The following PRRC2C variants were observed in gnomAD, a reference collection of about 807,000 sequenced individuals.
The protein encoded by PRRC2C is proline rich coiled-coil 2C, also known as protein PRRC2C.
A neutral mutation model predicts 317.2 loss-of-function variants in PRRC2C; 72 were observed. The ratio of observed to expected loss-of-function variants is 0.23; its 90% CI spans 0.19 to 0.28. PRRC2C has a LOEUF of 0.28. Among genes scored for constraint, PRRC2C ranks in the 10% least tolerant of loss-of-function variants. PRRC2C has a pLI of 1.00. For missense variants in PRRC2C, 3,074 were observed against 3,459.7 expected (o/e 0.89, Z 2.80); for synonymous variants, 1,296 against 1,205.9 (o/e 1.07, Z -1.55).
chr1:171,489,655 A>G (rs888203915), intron 1 of PRRC2C, among the ~76,000 whole-genome samples: 2 of 152,216 alleles, frequency 1.3e-5, no homozygotes, highest in African/African-American at 2.4e-5. Context: ...TGAATGATCT[A>G]TTTAAATCCA....
At chr1:171,550,442 A>G (rs537629807) in intron 18 of PRRC2C, among the ~76,000 whole-genome samples, 5 of 149,452 alleles carry the variant, frequency 3.3e-5, no homozygotes, top group African/African-American at 9.9e-5. Context: ...AGCTCCTTAT[A>G]TTTTGACTTA....
intron 18 of PRRC2C, among the ~76,000 whole-genome samples, chr1:171,554,013 G>C (rs1225674027): frequency 6.6e-6 from 1 of 152,144 alleles, no homozygotes; most frequent in Non-Finnish European, 1.5e-5. Context: ...TTCAAGTCCT[G>C]GATATCCTTG....
intron 1 of PRRC2C, among the ~76,000 whole-genome samples, chr1:171,498,294 G>A (rs1668479272): frequency 6.6e-6 from 1 of 152,098 alleles, no homozygotes; most frequent in African/African-American, 2.4e-5. Context: ...ATTAATTTCT[G>A]TTGGTACTGA....
rs1477201416 is a variant in PRRC2C, at chr1:171,513,117, G to A, written c.235G>A (p.Val79Ile). The change falls in exon 3 of 35, where the codon GTA becomes ATA. Residue 79 changes from valine (V) to isoleucine (I), a missense_variant. This residue lies in a region of PRRC2C where 71 missense variants were observed against 118.9 expected (regional missense o/e 0.60). Transcript: ENST00000647382. Reference sequence around the variant, plus strand: ...AGGCAATGATCCTAATGTAAACATTGTACCTAAAGATGGCACAGGGTGGGC... The same window carrying A: ...AGGCAATGATCCTAATGTAAACATTATACCTAAAGATGGCACAGGGTGGGC... The part of the protein sequence containing the change: ...NKGNDPNVNI[V>I]PKDGTGWASK... 1 of 1,613,540 alleles carries A rather than the reference G, an allele frequency of 6.2e-7. No homozygotes were observed. The highest frequency in any genetic ancestry group is 1.3e-5 in the African/African-American group (1 of 75,010).
At chr1:171,530,749 G>A (rs1675694384) in intron 11 of PRRC2C, among the ~76,000 whole-genome samples, 1 of 152,080 alleles carries the variant, frequency 6.6e-6, no homozygotes, top group Admixed American at 6.6e-5. Context: ...AAAGACTGAT[G>A]ACACCATGTG....
intron 1 of PRRC2C, among the ~76,000 whole-genome samples, chr1:171,493,710 C>T (rs1667592200): frequency 6.6e-6 from 1 of 152,104 alleles, no homozygotes; most frequent in Non-Finnish European, 1.5e-5. Flanking sequence ...ACCCCAGCTA[C>T]TCAGGAGGCT....
chr1:171,575,413 C>A lies in PRRC2C; in HGVS notation c.6955+285C>A, dbSNP rs1435179678. Among the ~76,000 whole-genome samples, 3 of 152,304 alleles carry A rather than the reference C, an allele frequency of 2.0e-5. No homozygotes were observed. In the East Asian group the frequency reaches 5.8e-4, roughly 29 times the overall value. On this transcript the variant is annotated intron_variant, in intron 25 of 34. Transcript: ENST00000647382. ...TCAGCTCAAAAAGAACAGAGAATCA[C>A]ACCTCTTTTAAATGTTTGACAATCT... is the stretch of plus-strand genomic sequence containing the variant.
chr1:171,495,923 G>T (rs1014478976), intron 1 of PRRC2C, among the ~76,000 whole-genome samples: 2 of 152,162 alleles, frequency 1.3e-5, no homozygotes, highest in African/African-American at 4.8e-5. Flanking sequence ...CAGCATAGTA[G>T]TTCTGGTGAG....
In PRRC2C at chr1:171,535,307, T is replaced by G. The variant is rs1571853129; in HGVS notation, c.1874-121T>G. 5 of 789,590 alleles carry G rather than the reference T, an allele frequency of 6.3e-6. No individual in the cohort carries two copies. In the East Asian group the frequency reaches 1.4e-4, roughly 22 times the overall value. 48.9% of individuals were successfully genotyped at this position (789,590 alleles called of 1,614,324 possible). ...AATGTTAAAGTAGAAAATAATGTTTTAGAGTGTCGAGGATATTTTCTTCCT... is the reference window on the plus strand; with the variant it reads ...AATGTTAAAGTAGAAAATAATGTTTGAGAGTGTCGAGGATATTTTCTTCCT... On this transcript the variant is annotated intron_variant, in intron 12 of 34. Coordinates refer to ENST00000647382, the MANE Select transcript of PRRC2C (RefSeq NM_001387844.1).
Position 171,566,684 on chromosome 1 carries a change from C to T in PRRC2C, c.6399C>T (p.Ala2133=), listed in dbSNP as rs1481075861. 1 of 1,612,720 alleles carries T rather than the reference C, an allele frequency of 6.2e-7. No homozygotes were observed. The highest frequency in any genetic ancestry group is 8.5e-7 in the Non-Finnish European group (1 of 1,179,368). ...RSLKNRKVKD[A]QQVEPEGQEK... is the part of the protein sequence containing the mutation. ...TAAAAAATAGAAAAGTAAAAGATGC[C>T]CAACAGGTGGAGCCAGAAGGACAAG... The change falls in exon 22 of 35, where the codon GCC becomes GCT. Residue 2133 remains alanine, a synonymous_variant. Transcript: ENST00000647382.
At chr1:171,586,544 T>TA (rs1650044482) in intron 30 of PRRC2C, among the ~76,000 whole-genome samples, 1 of 30,458 alleles carries the variant, frequency 3.3e-5, no homozygotes, top group South Asian at 1.1e-3. Context: ...GTGTTCTATG[T>TA]ATTTTATTTT....
At chr1:171,554,280 A>G (rs555594898) in intron 18 of PRRC2C, among the ~76,000 whole-genome samples, 21 of 152,156 alleles carry the variant, frequency 1.4e-4, no homozygotes, top group Non-Finnish European at 2.5e-4. Flanking sequence ...ATCAGAGACT[A>G]GGATTGCAAC....
At position 171,592,900 on chromosome 1, in the gene PRRC2C, A is replaced by G. The variant is rs1416706862; in HGVS notation, c.*1053A>G. The G allele has an allele frequency of 1.3e-5, 2 of 152,132 alleles. No individual in the cohort carries two copies. The highest frequency in any genetic ancestry group is 4.8e-5 in the African/African-American group (2 of 41,422). 9.4% of individuals were successfully genotyped at this position (152,132 alleles called of 1,614,324 possible). A position where few individuals can be genotyped will look rare whatever the true frequency, so the allele number is the denominator to read the frequency against. Reference sequence around the variant, plus strand: ...TGCCTTTTTAATTGTATCCTCTAGTATTATAGATATAGGACAGTACTGTAT... The same window carrying G: ...TGCCTTTTTAATTGTATCCTCTAGTGTTATAGATATAGGACAGTACTGTAT... On this transcript the variant is annotated 3_prime_UTR_variant, in exon 35 of 35. Transcript: ENST00000647382.
intron 17 of PRRC2C, among the ~76,000 whole-genome samples, chr1:171,546,700 A>G (rs1189356084): frequency 6.6e-6 from 1 of 152,166 alleles, no homozygotes; most frequent in Non-Finnish European, 1.5e-5. Context: ...CCCAGACGTC[A>G]AGCGATTCCC....
chr1:171,568,385 CTAT>C (rs1684076888), intron 23 of PRRC2C, 46 bp downstream of exon 23: 2 of 1,554,746 alleles, frequency 1.3e-6, no homozygotes, highest in South Asian at 1.2e-5. Flanking sequence ...TGGAACCTGG[CTAT>C]TATTATCAAG....
chr1:171,589,708 A>G, intron 34 of PRRC2C, 103 bp downstream of exon 34: 1 of 804,274 alleles, frequency 1.2e-6, no homozygotes, highest in South Asian at 1.7e-5. Context: ...TCATTGTCTT[A>G]GCAGACTTAA....
chr1:171,539,175 A>G (rs1268881631), intron 15 of PRRC2C, among the ~76,000 whole-genome samples: 1 of 151,950 alleles, frequency 6.6e-6, no homozygotes, highest in Non-Finnish European at 1.5e-5. Flanking sequence ...CTGATTCTGT[A>G]TTTTTAGTAG....
chr1:171,526,236 C>G (rs1275572218), intron 10 of PRRC2C, among the ~76,000 whole-genome samples: 1 of 152,080 alleles, frequency 6.6e-6, no homozygotes, highest in African/African-American at 2.4e-5. Context: ...TAGTTTGCCA[C>G]TAGAAAAGAA....
At chr1:171,523,644 G>A (rs1402010599) in intron 9 of PRRC2C, 122 bp downstream of exon 9, 1 of 879,550 alleles carries the variant, frequency 1.1e-6, no homozygotes, top group African/African-American at 1.7e-5. Context: ...TATATTCTCA[G>A]AAGTTTTACT....
Sources: gnomAD v4.1 joint callset for allele counts (sites outside exome capture counted in the v4.1 genomes callset) on GRCh38, gnomAD v4.1.1 for gene constraint, gnomAD v4.1.1 regional missense constraint, MANE v1.5 for transcripts, NCBI Gene and HGNC (gene_info 2026-07-23, HGNC 2026-07-21) for gene names.